STIP1: variants seen among roughly 807,000 people sequenced by gnomAD.
The protein encoded by STIP1 is stress induced phosphoprotein 1, also known as stress-induced-phosphoprotein 1.
STIP1 carries 16 observed loss-of-function variants against 77.4 expected under a neutral mutation model. The ratio of observed to expected loss-of-function variants is 0.21; its 90% CI spans 0.14 to 0.31. The LOEUF (loss-of-function observed/expected upper bound fraction) is 0.31, where lower values mean the gene tolerates loss of function less well. Among genes scored for constraint, STIP1 ranks in the 10% least tolerant of loss-of-function variants. The pLI, the probability that STIP1 is intolerant of heterozygous loss-of-function variation, is 1.00. For synonymous variants in STIP1, 258 were observed against 246.6 expected (o/e 1.05, Z -0.44); for missense variants, 524 against 684.8 (o/e 0.77, Z 2.62).
At chr11:64,187,500 G>T (rs111572711) in intron 1 of STIP1, among the ~76,000 whole-genome samples, 1 of 152,100 alleles carries the variant, frequency 6.6e-6, no homozygotes, top group African/African-American at 2.4e-5. Flanking sequence ...TTTTTTTGGT[G>T]TGAGCTACAG....
At chr11:64,203,033 A>G (rs976835068) in intron 11 of STIP1, 92 bp from the exon 12 acceptor site, 15 of 1,590,442 alleles carry the variant, frequency 9.4e-6, no homozygotes, top group Non-Finnish European at 1.2e-5. Context: ...CAACATCAGC[A>G]GGTGTGAACA....
upstream of STIP1, chr11:64,185,841 C>G (rs967024388): frequency 2.6e-6 from 4 of 1,536,106 alleles, no homozygotes; most frequent in East Asian, 9.8e-5. Flanking sequence ...TCCGGCAGCC[C>G]AATGGGAGAG....
At chr11:64,200,684 T>G (rs1296809556) in intron 10 of STIP1, among the ~76,000 whole-genome samples, 3 of 151,900 alleles carry the variant, frequency 2.0e-5, no homozygotes, top group Non-Finnish European at 4.4e-5. Flanking sequence ...TCACTACTGG[T>G]TGGCAGTACA....
At chr11:64,186,752 G>T (rs1946025260) in intron 1 of STIP1, among the ~76,000 whole-genome samples, 2 of 152,352 alleles carry the variant, frequency 1.3e-5, no homozygotes, top group South Asian at 4.1e-4. Flanking sequence ...CAGGGAGCGG[G>T]GACGGGGATA....
chr11:64,186,675 C>T (rs1946023491), intron 1 of STIP1, among the ~76,000 whole-genome samples: 1 of 152,206 alleles, frequency 6.6e-6, no homozygotes, highest in South Asian at 2.1e-4. Flanking sequence ...AGGTAGCCCT[C>T]CGGGAGATCT....
At chr11:64,195,461 A>T (rs538124042) in intron 4 of STIP1, among the ~76,000 whole-genome samples, 184 bp from the exon 5 acceptor site, 4 of 152,260 alleles carry the variant, frequency 2.6e-5, no homozygotes, top group Non-Finnish European at 5.9e-5. Context: ...TATTTTAGAT[A>T]GTGTTTTGAC....
chr11:64,194,597 A>G lies in STIP1; in HGVS notation c.480A>G (p.Arg160=). The change falls in exon 4 of 14, where the codon CGA becomes CGG. Residue 160 remains arginine, a synonymous_variant. Transcript: ENST00000305218. ...PTYRELIEQL[R]NKPSDLGTKL... is the part of the protein sequence containing the mutation. ...ACCGGGAGCTGATAGAGCAGCTACG[A>G]AACAAGCCTTCTGACCTGGGCACGT... is the stretch of plus-strand genomic sequence containing the variant. The G allele has an allele frequency of 6.2e-7, 1 of 1,614,202 alleles. No homozygotes were observed. Among genetic ancestry groups the G allele is most frequent in the Admixed American group, 1.7e-5 (1 of 60,012 alleles).
intron 1 of STIP1, among the ~76,000 whole-genome samples, chr11:64,190,160 C>G (rs759245561): frequency 6.6e-6 from 1 of 152,026 alleles, no homozygotes; most frequent in African/African-American, 2.4e-5. Flanking sequence ...ACCACCACAT[C>G]CGGGCAATTT....
In STIP1 at chr11:64,194,175, T is replaced by C; in HGVS notation, c.220-14T>C. On this transcript the variant is annotated splice_polypyrimidine_tract_variant and intron_variant, in intron 2 of 13. Coordinates refer to ENST00000305218, the MANE Select transcript of STIP1 (RefSeq NM_006819.3). ...GGGTGTTCTCTATTTTGTGTCTGTC[T>C]TTGGTGGTTTAAGGGCTATTCACGA... 2.5e-6 allele frequency: 4 copies of C among 1,608,874 alleles called. No homozygotes were observed. The highest frequency in any genetic ancestry group is 3.4e-6 in the Non-Finnish European group (4 of 1,178,546).
intron 1 of STIP1, among the ~76,000 whole-genome samples, chr11:64,190,285 T>A (rs932204209): frequency 1.4e-4 from 22 of 152,204 alleles, no homozygotes; most frequent in African/African-American, 5.3e-4. Flanking sequence ...GCAATTTTCC[T>A]GCCTCAGCCT....
chr11:64,190,969 C>T (rs1469983028), intron 1 of STIP1, among the ~76,000 whole-genome samples: 1 of 151,612 alleles, frequency 6.6e-6, no homozygotes, highest in Non-Finnish European at 1.5e-5. Flanking sequence ...AGGCAGATCA[C>T]CTGAGGCCAG....
At position 64,193,084 on chromosome 11, in the gene STIP1, G is replaced by A. The variant is rs201356427; in HGVS notation, c.16G>A (p.Glu6Lys). ...TGTGTTCCTTTCCCCTCAGGTCAAT[G>A]AGCTGAAGGAGAAAGGCAACAAGGC... MEQVN[E>K]LKEKGNKALS... The change falls in exon 2 of 14, where the codon GAG becomes AAG. Residue 6 changes from glutamate to lysine, a missense_variant. Transcript: ENST00000305218. 9.1e-5 allele frequency: 147 copies of A among 1,613,998 alleles called. No individual in the cohort carries two copies. In the Middle Eastern group the frequency reaches 1.2e-3, roughly 13 times the overall value.
chr11:64,197,773 T>A (rs778809129), intron 7 of STIP1, 81 bp from the exon 8 acceptor site: 37 of 1,579,560 alleles, frequency 2.3e-5, no homozygotes, highest in Non-Finnish European at 3.2e-5. Flanking sequence ...TGCGGGCCTT[T>A]CTAGCTGCAG....
In STIP1 at chr11:64,198,740, G is replaced by GT. The variant is rs1008356705; in HGVS notation, c.1023+775dup. ...GACAACATGTAGGAAGTGATCTGGT[G>GT]TTTTTTTTTGTGGTTTTTTTTTTTT... On this transcript the variant is annotated intron_variant, in intron 8 of 13. Transcript: ENST00000305218. Among the ~76,000 whole-genome samples the GT allele has an allele frequency of 1.4e-3, 138 of 95,312 alleles. 2 individuals carry two copies. In the Middle Eastern group the frequency reaches 0.021, roughly 14 times the overall value. 62.5% of individuals were successfully genotyped at this position (95,312 alleles called of 152,430 possible).
At position 64,186,234 on chromosome 11, in the gene STIP1, T is replaced by TA. The variant is rs746055438; in HGVS notation, c.-28_-27insA. 5.1e-5 allele frequency: 78 copies of TA among 1,541,180 alleles called. No individual in the cohort carries two copies. In the East Asian group the frequency reaches 1.6e-3, roughly 31 times the overall value. On this transcript the variant is annotated 5_prime_UTR_variant, in exon 1 of 14. Coordinates refer to ENST00000305218, the MANE Select transcript of STIP1 (RefSeq NM_006819.3). ...GGAACGCGGAGCGGACGGATTCGAT[T>TA]CAACGGGGTTCCGGACCGCGCTGCG...
intron 1 of STIP1, among the ~76,000 whole-genome samples, chr11:64,188,565 A>G (rs1335565727): frequency 1.3e-5 from 2 of 152,010 alleles, no homozygotes; most frequent in African/African-American, 4.8e-5. Flanking sequence ...TTTTGTAGAG[A>G]CGGGGCTCTT....
intron 8 of STIP1, among the ~76,000 whole-genome samples, chr11:64,199,355 A>T (rs1252129383): frequency 6.7e-6 from 1 of 149,954 alleles, no homozygotes; most frequent in Non-Finnish European, 1.5e-5. Flanking sequence ...AAATAAAAAA[A>T]ATTAGCCTGG....
chr11:64,196,353 A>G (rs531753231), intron 5 of STIP1, among the ~76,000 whole-genome samples: 41 of 147,908 alleles, frequency 2.8e-4, no homozygotes, highest in African/African-American at 9.7e-4. Flanking sequence ...CTGAGAGCTC[A>G]TCACTACACT....
chr11:64,200,400 A>G, intron 10 of STIP1, 107 bp downstream of exon 10: 1 of 1,500,932 alleles, frequency 6.7e-7, no homozygotes. Flanking sequence ...ATGATGTTTG[A>G]GACAGTGTCT....
Sources: allele counts gnomAD v4.1 joint callset (sites outside exome capture counted in the v4.1 genomes callset), GRCh38; gene constraint gnomAD v4.1.1; transcripts MANE v1.5; gene names NCBI Gene and HGNC (gene_info 2026-07-23, HGNC 2026-07-21).